The following DOCK3 variants were observed in gnomAD, a reference collection of about 807,000 sequenced individuals.
DOCK3 encodes the protein dedicator of cytokinesis protein 3.
DOCK3 carries 60 observed loss-of-function variants against 265.6 expected under a neutral mutation model. The observed-to-expected ratio is 0.23, with a 90% CI of 0.18 to 0.28. DOCK3 has a LOEUF of 0.28. Among genes scored for constraint, DOCK3 ranks in the 10% least tolerant of loss-of-function variants. The pLI is 1.00. For missense variants in DOCK3, 1,981 were observed against 2,594.3 expected, an observed-to-expected ratio of 0.76 and a Z score of 5.14; for synonymous variants, 881 against 938.0, an observed-to-expected ratio of 0.94 and a Z score of 1.11.
chr3:51,280,165 G>A lies in DOCK3; in HGVS notation c.2883G>A (p.Gln961=). The change falls in exon 27 of 53, where the codon CAG becomes CAA. Residue 961 remains glutamine, a synonymous_variant. Coordinates refer to ENST00000266037, the MANE Select transcript of DOCK3 (RefSeq NM_004947.5). ...GCCAGATGTGTGACACCCATTTCCAGCACCTCCTGGACAACTTCCAGAGCA... is the reference window on the plus strand; with the variant it reads ...GCCAGATGTGTGACACCCATTTCCAACACCTCCTGGACAACTTCCAGAGCA... The part of the protein sequence containing the change: ...LLRQMCDTHF[Q]HLLDNFQSKD... 6.2e-7 allele frequency: 1 copy of A among 1,613,844 alleles called. No homozygotes were observed. The highest frequency in any genetic ancestry group is 8.5e-7 in the Non-Finnish European group (1 of 1,179,852).
At chr3:51,327,880 C>A (rs1415237347) in intron 32 of DOCK3, among the ~76,000 whole-genome samples, 1 of 151,976 alleles carries the variant, frequency 6.6e-6, no homozygotes, top group African/African-American at 2.4e-5. Flanking sequence ...TGGAGTTTCA[C>A]CATGTTGGTC....
intron 5 of DOCK3, among the ~76,000 whole-genome samples, chr3:50,994,466 G>T (rs1306606723): frequency 2.6e-5 from 4 of 152,146 alleles, no homozygotes; most frequent in Non-Finnish European, 5.9e-5. Context: ...TTCAAAACTG[G>T]TGTGATGTCA....
intron 13 of DOCK3, among the ~76,000 whole-genome samples, chr3:51,211,677 A>G (rs1030824521): frequency 6.6e-6 from 1 of 152,136 alleles, no homozygotes; most frequent in Non-Finnish European, 1.5e-5. Context: ...ATGTCCCTAC[A>G]AAGGACATGA....
At chr3:50,837,491 G>C (rs2045577968) in intron 2 of DOCK3, among the ~76,000 whole-genome samples, 1 of 152,094 alleles carries the variant, frequency 6.6e-6, no homozygotes, top group African/African-American at 2.4e-5. Context: ...GATCTTGTGG[G>C]AACTCACTAT....
intron 1 of DOCK3, among the ~76,000 whole-genome samples, chr3:50,773,642 C>T (rs1256815302): frequency 6.6e-6 from 1 of 152,012 alleles, no homozygotes. Context: ...TTCTTAAGTG[C>T]TTATGCAATT....
At chr3:50,867,075 G>T (rs1211920031) in intron 3 of DOCK3, among the ~76,000 whole-genome samples, 1 of 152,094 alleles carries the variant, frequency 6.6e-6, no homozygotes, top group Non-Finnish European at 1.5e-5. Flanking sequence ...AACATGGAAT[G>T]TTTTTTATTT....
At chr3:50,677,492 A>T (rs941839558) in intron 1 of DOCK3, among the ~76,000 whole-genome samples, 2 of 152,220 alleles carry the variant, frequency 1.3e-5, no homozygotes, top group Admixed American at 1.3e-4. Flanking sequence ...TATAACCATT[A>T]TCATTTTCCT....
intron 14 of DOCK3, among the ~76,000 whole-genome samples, chr3:51,220,176 C>T (rs200969933): frequency 6.6e-6 from 1 of 152,110 alleles, no homozygotes; most frequent in Admixed American, 6.5e-5. Flanking sequence ...GCTAACATCT[C>T]TACATTTCCA....
intron 5 of DOCK3, among the ~76,000 whole-genome samples, chr3:51,015,317 G>GT (rs1332045256): frequency 6.6e-6 from 1 of 151,856 alleles, no homozygotes; most frequent in African/African-American, 2.4e-5. Context: ...AATGTACCCA[G>GT]TTTTTTTAAA....
intron 2 of DOCK3, among the ~76,000 whole-genome samples, chr3:50,829,374 T>C (rs1456392783): frequency 3.3e-5 from 5 of 152,212 alleles, no homozygotes; most frequent in Non-Finnish European, 7.3e-5. Context: ...CTGCTGCTTT[T>C]TGTGGGGTTT....
intron 39 of DOCK3, among the ~76,000 whole-genome samples, chr3:51,349,678 T>G (rs985436921): frequency 6.6e-6 from 1 of 152,138 alleles, no homozygotes; most frequent in African/African-American, 2.4e-5. Context: ...CAGCCACAAG[T>G]AAAAAAGTTA....
At chr3:50,717,310 T>G (rs2107979369) in intron 1 of DOCK3, among the ~76,000 whole-genome samples, 1 of 152,358 alleles carries the variant, frequency 6.6e-6, no homozygotes, top group Middle Eastern at 3.4e-3. Flanking sequence ...CGCACTTGTC[T>G]TTCAGTGGTG....
At chr3:51,230,967 A>G (rs570103743) in intron 19 of DOCK3, among the ~76,000 whole-genome samples, 10 of 151,960 alleles carry the variant, frequency 6.6e-5, no homozygotes, top group Non-Finnish European at 1.2e-4. Flanking sequence ...ATATATACAC[A>G]GTAATAAGAT....
At chr3:51,164,908 C>T (rs1363558784) in intron 12 of DOCK3, among the ~76,000 whole-genome samples, 2 of 149,362 alleles carry the variant, frequency 1.3e-5, no homozygotes, top group Admixed American at 6.7e-5. Context: ...ATCCTATCCA[C>T]GAAACTGTCT....
intron 7 of DOCK3, among the ~76,000 whole-genome samples, chr3:51,087,706 A>G (rs1383113054): frequency 1.3e-5 from 2 of 152,192 alleles, no homozygotes; most frequent in South Asian, 4.1e-4. Flanking sequence ...CTCTTTGTAG[A>G]TGATATAATC....
chr3:51,239,608 G>A (rs141034190), intron 21 of DOCK3, among the ~76,000 whole-genome samples: 21 of 149,028 alleles, frequency 1.4e-4, no homozygotes, highest in Non-Finnish European at 2.8e-4. Context: ...TTAGTTGGTA[G>A]GCTGTTACTG....
At chr3:50,724,413 T>C (rs1300751367) in intron 1 of DOCK3, among the ~76,000 whole-genome samples, 1 of 152,210 alleles carries the variant, frequency 6.6e-6, no homozygotes, top group Non-Finnish European at 1.5e-5. Flanking sequence ...GCAGCACTTT[T>C]CGCAATAGCA....
chr3:51,303,566 T>G (rs183007043), intron 27 of DOCK3, among the ~76,000 whole-genome samples: 5 of 152,370 alleles, frequency 3.3e-5, no homozygotes, highest in African/African-American at 1.2e-4. Flanking sequence ...CGTCAATCTT[T>G]GAGGCTGCTG....
intron 1 of DOCK3, among the ~76,000 whole-genome samples, chr3:50,686,075 T>G (rs193273376): frequency 1.3e-5 from 2 of 152,268 alleles, no homozygotes; most frequent in Non-Finnish European, 2.9e-5. Flanking sequence ...TTATTTCTAT[T>G]TTTATTACAT....
Sources: allele counts gnomAD v4.1 joint callset (sites outside exome capture counted in the v4.1 genomes callset), GRCh38; gene constraint gnomAD v4.1.1; transcripts MANE v1.5; gene names NCBI Gene and HGNC (gene_info 2026-07-23, HGNC 2026-07-21).